Variants in SURF4 observed in about 807,000 individuals in gnomAD.
SURF4 encodes surfeit 4.
In SURF4, 3 loss-of-function variants were observed where a neutral mutation model predicts 30.0. The ratio of observed to expected loss-of-function variants is 0.10; its 90% confidence interval spans 0.05 to 0.26. The LOEUF is 0.26. SURF4 is among the 10% of genes least tolerant of loss of function. The probability of loss-of-function intolerance (pLI) is 1.00; values close to 1 mark genes in which losing one functional copy is unlikely to be tolerated. For synonymous variants in SURF4, 143 were observed against 139.9 expected (o/e 1.02, Z -0.16); for missense variants, 217 against 350.8 (o/e 0.62, Z 3.05).
chr9:133,367,009 G>A (rs1356126569), intron 2 of SURF4, among the ~76,000 whole-genome samples: 1 of 152,198 alleles, frequency 6.6e-6, no homozygotes, highest in East Asian at 1.9e-4. Flanking sequence ...CCTGCTTTGG[G>A]TCCCTGACAG....
Sources: gnomAD v4.1 joint callset for allele counts (sites outside exome capture counted in the v4.1 genomes callset) on GRCh38, gnomAD v4.1.1 for gene constraint, MANE v1.5 for transcripts, NCBI Gene and HGNC (gene_info 2026-07-23, HGNC 2026-07-21) for gene names.